The following RUBCNL variants were observed in gnomAD, a reference collection of about 807,000 sequenced individuals.
The protein encoded by RUBCNL is rubicon like autophagy enhancer.
In RUBCNL, 62 loss-of-function variants were observed where a neutral mutation model predicts 69.5. That is an observed-to-expected ratio of 0.89 (90% confidence interval 0.73 to 1.10). RUBCNL has a LOEUF of 1.10. Among genes scored for constraint, RUBCNL ranks in the 50% least tolerant of loss-of-function variants. The pLI is 0.00. For synonymous variants in RUBCNL, 291 were observed against 303.6 expected (o/e 0.96, Z 0.43); for missense variants, 768 against 798.1 (o/e 0.96, Z 0.45).
Position 46,372,570 on chromosome 13 carries a change from T to C in RUBCNL, c.-95A>G. The C allele has an allele frequency of 6.7e-7, 1 of 1,483,570 alleles. No individual in the cohort carries two copies. Among genetic ancestry groups the C allele is most frequent in the Non-Finnish European group, 9.0e-7 (1 of 1,113,738 alleles). The allele number at this position is 1,483,570 out of a possible 1,614,324, so 91.9% of individuals were successfully genotyped here. On this transcript the variant is annotated 5_prime_UTR_variant, in exon 3 of 15. An upstream start codon of the reference 5' UTR is lost. Transcript: ENST00000429979. ...TGATTTGGGCCCTGAACTCACCACA[T>C]GGCCAGCTGGGGGTCTGGAGAGCTA...
chr13:46,336,907 T>C lies in RUBCNL; in HGVS notation c.*6478A>G, dbSNP rs1413871538. 7.2e-5 allele frequency among the ~76,000 whole-genome samples: 11 copies of C among 152,058 alleles called. No individual in the cohort carries two copies. The highest frequency in any genetic ancestry group is 2.1e-4 in the South Asian group (1 of 4,818). Reference sequence around the variant, plus strand: ...TTAATGTAAGGAATACTAGATAATATGGATAACTCAGAGGAGTAGAATAGT... The same window carrying C: ...TTAATGTAAGGAATACTAGATAATACGGATAACTCAGAGGAGTAGAATAGT... On this transcript the variant is annotated 3_prime_UTR_variant, in exon 15 of 15. Transcript: ENST00000429979.
chr13:46,347,223 T>C (rs1197287896), intron 12 of RUBCNL, among the ~76,000 whole-genome samples: 3 of 152,066 alleles, frequency 2.0e-5, no homozygotes, highest in East Asian at 1.9e-4. Context: ...CTGGCCAACA[T>C]GGTGAAACCT....
Position 46,378,053 on chromosome 13 carries a change from G to T in RUBCNL, c.-238-48C>A, listed in dbSNP as rs1306630012. 5.2e-6 allele frequency: 5 copies of T among 968,104 alleles called. No individual in the cohort carries two copies. The Admixed American group carries it at 1.2e-4, about 22-fold the overall frequency. 60.0% of individuals were successfully genotyped at this position (968,104 alleles called of 1,614,324 possible). A position where few individuals can be genotyped will look rare whatever the true frequency, so the allele number is the denominator to read the frequency against. On this transcript the variant is annotated intron_variant, in intron 1 of 14. Transcript: ENST00000429979. ...CCAGATGCTATGATACCACTGCCAGGTATGTTACTTGTTGCCATATTGTTT... is the reference window on the plus strand; with the variant it reads ...CCAGATGCTATGATACCACTGCCAGTTATGTTACTTGTTGCCATATTGTTT...
At chr13:46,349,218 G>T in intron 12 of RUBCNL, 68 bp downstream of exon 12, 1 of 1,370,088 alleles carries the variant, frequency 7.3e-7, no homozygotes, top group Non-Finnish European at 1.0e-6. Flanking sequence ...GGAGCCAGAT[G>T]CAGGAGGCAC....
intron 10 of RUBCNL, chr13:46,350,640 A>G (rs1432200498): frequency 3.1e-6 from 1 of 318,408 alleles, no homozygotes; most frequent in Non-Finnish European, 5.8e-6. Flanking sequence ...AGTGTAGCAA[A>G]AGGAACATTC....
rs2048110574 is a variant in RUBCNL, at chr13:46,337,249, T to A, written c.*6136A>T. Among the ~76,000 whole-genome samples the A allele has an allele frequency of 6.6e-6, 1 of 152,160 alleles. No homozygotes were observed. The highest frequency in any genetic ancestry group is 2.4e-5 in the African/African-American group (1 of 41,442). ...CCTTCAACTCCCTGGTTCAAGCGAT[T>A]CTTCTGCCTCAGCCTCCCGAGTAGC... On this transcript the variant is annotated 3_prime_UTR_variant, in exon 15 of 15. Transcript: ENST00000429979.
At chr13:46,385,208 T>C (rs964127498) in intron 1 of RUBCNL, 3 of 837,194 alleles carry the variant, frequency 3.6e-6, no homozygotes, top group Non-Finnish European at 4.3e-6. Context: ...TCATTATTAT[T>C]GCAGAAAGAC....
chr13:46,374,149 G>A (rs1433702548), intron 2 of RUBCNL, among the ~76,000 whole-genome samples: 5 of 152,140 alleles, frequency 3.3e-5, no homozygotes, highest in African/African-American at 1.2e-4. Context: ...GCACAATCTC[G>A]GCTCACTCCA....
chr13:46,350,130 C>T lies in RUBCNL; in HGVS notation c.1552G>A (p.Glu518Lys). The T allele has an allele frequency of 6.4e-7, 1 of 1,569,028 alleles. No homozygotes were observed. Among genetic ancestry groups the T allele is most frequent in the Non-Finnish European group, 8.6e-7 (1 of 1,156,100 alleles). ...CGGCTCACCTTCACTCTGTCCAGCT[C>T]CTTGGCTTTCGCATACAGGCTTTGG... ...IGQSLYAKAKELDRVKEIQEQ... is the reference protein window; with the variant it reads ...IGQSLYAKAKKLDRVKEIQEQ... Residue 518 changes from glutamate (E) to lysine (K), a missense_variant, in exon 11 of 15, where the codon GAG (glutamate) becomes AAG (lysine). Physicochemically the swap from Glu to Lys is moderately conservative, Grantham distance 56. Coordinates refer to ENST00000429979, the MANE Select transcript of RUBCNL (RefSeq NM_025113.5).
intron 6 of RUBCNL, 114 bp from the exon 7 acceptor site, chr13:46,362,712 T>A: frequency 1.5e-6 from 1 of 682,634 alleles, no homozygotes. Flanking sequence ...GAGCAAATTA[T>A]TCAGCATCTC....
intron 2 of RUBCNL, among the ~76,000 whole-genome samples, chr13:46,376,873 G>C (rs150171495): frequency 6.6e-6 from 1 of 152,146 alleles, no homozygotes; most frequent in African/African-American, 2.4e-5. Flanking sequence ...TATGTCTTGA[G>C]GGTCTATGTG....
intron 2 of RUBCNL, among the ~76,000 whole-genome samples, chr13:46,374,825 A>G (rs1432815787): frequency 6.6e-6 from 1 of 152,116 alleles, no homozygotes; most frequent in Admixed American, 6.5e-5. Flanking sequence ...ATTGAACCCT[A>G]TAGGCTCCTT....
intron 10 of RUBCNL, among the ~76,000 whole-genome samples, chr13:46,351,326 T>A (rs1267571352): frequency 1.3e-5 from 2 of 152,210 alleles, no homozygotes; most frequent in Non-Finnish European, 2.9e-5. Context: ...TGAGATACTC[T>A]GTTTTGACTC....
chr13:46,361,608 T>G, intron 7 of RUBCNL, 35 bp from the exon 8 acceptor site: 1 of 1,559,256 alleles, frequency 6.4e-7, no homozygotes, highest in Non-Finnish European at 8.7e-7. Flanking sequence ...TGGAAAACTA[T>G]ATTCATGAGG....
intron 3 of RUBCNL, among the ~76,000 whole-genome samples, chr13:46,369,527 C>A (rs907787227): frequency 2.0e-5 from 3 of 152,280 alleles, no homozygotes; most frequent in Non-Finnish European, 2.9e-5. Flanking sequence ...CCTAAACCTC[C>A]TGTCTAGAGA....
intron 1 of RUBCNL, among the ~76,000 whole-genome samples, chr13:46,380,661 A>T (rs969036082): frequency 3.3e-5 from 5 of 152,214 alleles, no homozygotes; most frequent in African/African-American, 1.2e-4. Context: ...ATTATTATTC[A>T]TACTTGTATA....
intron 5 of RUBCNL, among the ~76,000 whole-genome samples, chr13:46,366,192 A>G (rs2048751168): frequency 6.6e-6 from 1 of 152,190 alleles, no homozygotes. Flanking sequence ...TCCATATCAG[A>G]TTTCCCCGCC....
chr13:46,386,744 CAG>C (rs926992296), intron 1 of RUBCNL, among the ~76,000 whole-genome samples: 5 of 152,186 alleles, frequency 3.3e-5, no homozygotes, highest in Non-Finnish European at 7.3e-5. Flanking sequence ...AGGACGAAAA[CAG>C]AGAAAAGACA....
At chr13:46,364,864 AT>A (rs1277270114) in intron 5 of RUBCNL, among the ~76,000 whole-genome samples, 2 of 152,144 alleles carry the variant, frequency 1.3e-5, no homozygotes, top group African/African-American at 4.8e-5. Context: ...CATTTAACAT[AT>A]TCATATTTAT....
Sources: gnomAD v4.1 joint callset for allele counts (sites outside exome capture counted in the v4.1 genomes callset) on GRCh38, gnomAD v4.1.1 for gene constraint, MANE v1.5 for transcripts, NCBI Gene and HGNC (gene_info 2026-07-23, HGNC 2026-07-21) for gene names.